ROBO2: variants seen among roughly 807,000 people sequenced by gnomAD.
ROBO2 encodes the protein roundabout guidance receptor 2.
A neutral mutation model predicts 160.8 loss-of-function variants in ROBO2; 53 were observed. The ratio of observed to expected loss-of-function variants is 0.33; its 90% confidence interval spans 0.26 to 0.41. ROBO2 has a LOEUF of 0.41. ROBO2 is among the 10% of genes least tolerant of loss of function. ROBO2 has a pLI of 1.00. For missense variants in ROBO2, 1,577 were observed against 1,722.4 expected, an observed-to-expected ratio of 0.92 and a Z score of 1.49; for synonymous variants, 664 against 611.7, an observed-to-expected ratio of 1.09 and a Z score of -1.26.
chr3:77,257,959 C>CT (rs2058530068), intron 2 of ROBO2, among the ~76,000 whole-genome samples: 1 of 152,142 alleles, frequency 6.6e-6, no homozygotes, highest in South Asian at 2.1e-4. Flanking sequence ...CCATTTAAAC[C>CT]TTTTTTAGCT....
chr3:76,560,101 A>G (rs1049366483), intron 2 of ROBO2, among the ~76,000 whole-genome samples: 4 of 152,026 alleles, frequency 2.6e-5, no homozygotes, highest in Non-Finnish European at 4.4e-5. Context: ...TTTTTCTCCC[A>G]GTTAAAATAG....
intron 2 of ROBO2, among the ~76,000 whole-genome samples, chr3:76,006,586 T>A (rs2066026368): frequency 6.6e-6 from 1 of 152,148 alleles, no homozygotes; most frequent in Non-Finnish European, 1.5e-5. Flanking sequence ...GATAGTTTAT[T>A]ACATCTGTGA....
chr3:76,368,049 A>T (rs987751416), intron 2 of ROBO2, among the ~76,000 whole-genome samples: 1 of 151,968 alleles, frequency 6.6e-6, no homozygotes, highest in African/African-American at 2.4e-5. Flanking sequence ...TTTAAAATAA[A>T]ATAGTCATAT....
chr3:76,073,121 G>A (rs533273185), intron 2 of ROBO2, among the ~76,000 whole-genome samples: 1 of 152,144 alleles, frequency 6.6e-6, no homozygotes, highest in Non-Finnish European at 1.5e-5. Flanking sequence ...TTGTATCGTG[G>A]CTGAAATTTG....
intron 2 of ROBO2, among the ~76,000 whole-genome samples, chr3:76,509,806 C>T (rs1044807577): frequency 4.6e-5 from 7 of 152,152 alleles, no homozygotes; most frequent in Non-Finnish European, 1.0e-4. Context: ...AGGTTGAGCA[C>T]CTTTAACCTA....
intron 2 of ROBO2, among the ~76,000 whole-genome samples, chr3:76,406,687 A>T (rs911440726): frequency 6.6e-6 from 1 of 151,898 alleles, no homozygotes; most frequent in African/African-American, 2.4e-5. Context: ...TATTTTCTTT[A>T]TTCTACTACT....
chr3:76,726,964 A>G (rs1383870188), intron 2 of ROBO2, among the ~76,000 whole-genome samples: 2 of 152,182 alleles, frequency 1.3e-5, no homozygotes, highest in Non-Finnish European at 2.9e-5. Context: ...TGAATTATTT[A>G]TGACTGACAC....
At chr3:77,409,674 A>G (rs773815235) in intron 2 of ROBO2, among the ~76,000 whole-genome samples, 2 of 152,108 alleles carry the variant, frequency 1.3e-5, no homozygotes, top group Non-Finnish European at 2.9e-5. Flanking sequence ...TTCACTGGAG[A>G]AGGACTGGAC....
At chr3:76,651,451 A>G (rs1020439995) in intron 2 of ROBO2, among the ~76,000 whole-genome samples, 1 of 152,138 alleles carries the variant, frequency 6.6e-6, no homozygotes, top group African/African-American at 2.4e-5. Context: ...AGAGTGTAGC[A>G]TACATAAAAG....
At chr3:76,190,222 A>G (rs938064804) in intron 2 of ROBO2, among the ~76,000 whole-genome samples, 30 of 152,126 alleles carry the variant, frequency 2.0e-4, no homozygotes, top group Non-Finnish European at 3.8e-4. Flanking sequence ...TGGTTTGAAT[A>G]CAACAAAATG....
At position 76,796,660 on chromosome 3, in the gene ROBO2, T is replaced by C. The variant is rs151271651; in HGVS notation, c.110-301354T>C. Among the ~76,000 whole-genome samples the C allele has an allele frequency of 8.7e-4, 133 of 152,172 alleles. 1 individual carries two copies. The East Asian group carries it at 0.019, about 21-fold the overall frequency. On this transcript the variant is annotated intron_variant, in intron 2 of 26. Transcript: ENST00000487694. ...CTCCAATCAAAAGACATACAGTGTC[T>C]GAATGGTTAAAAAACAAGACCCAAC...
chr3:77,018,036 A>C (rs2149492440), intron 2 of ROBO2, among the ~76,000 whole-genome samples: 1 of 152,194 alleles, frequency 6.6e-6, no homozygotes, highest in East Asian at 1.9e-4. Flanking sequence ...GCATATAAAA[A>C]AGCTTAATAA....
At chr3:76,272,680 AATAT>A (rs796415773) in intron 2 of ROBO2, among the ~76,000 whole-genome samples, 1 of 133,112 alleles carries the variant, frequency 7.5e-6, no homozygotes, top group Non-Finnish European at 1.5e-5. Context: ...TACACATATA[AATAT>A]ATATATATAT....
At chr3:76,938,952 C>A in intron 2 of ROBO2, among the ~76,000 whole-genome samples, 1 of 119,458 alleles carries the variant, frequency 8.4e-6, no homozygotes, top group East Asian at 2.5e-4. Flanking sequence ...GCCTGGGCGA[C>A]AAGAGCAAAA....
At chr3:75,980,058 G>A (rs2107439766) in intron 2 of ROBO2, among the ~76,000 whole-genome samples, 1 of 151,676 alleles carries the variant, frequency 6.6e-6, no homozygotes, top group East Asian at 1.9e-4. Flanking sequence ...TGTAGTAGGT[G>A]TTTTCATGTT....
At chr3:76,940,456 C>T (rs191249317) in intron 2 of ROBO2, among the ~76,000 whole-genome samples, 1 of 152,266 alleles carries the variant, frequency 6.6e-6, no homozygotes, top group East Asian at 1.9e-4. Context: ...GTTCTCGATA[C>T]AACAAAAAAT....
At chr3:77,380,520 G>C (rs2073299936) in intron 2 of ROBO2, among the ~76,000 whole-genome samples, 1 of 152,110 alleles carries the variant, frequency 6.6e-6, no homozygotes, top group Non-Finnish European at 1.5e-5. Flanking sequence ...AAATCAATGA[G>C]TAACAATTAA....
chr3:76,906,991 C>T (rs945756802), intron 2 of ROBO2, among the ~76,000 whole-genome samples: 3 of 152,116 alleles, frequency 2.0e-5, no homozygotes, highest in African/African-American at 7.2e-5. Flanking sequence ...GGTTTTCTTC[C>T]TCCTGCTAGA....
chr3:77,240,716 T>C (rs1000376984), intron 2 of ROBO2, among the ~76,000 whole-genome samples: 1 of 152,238 alleles, frequency 6.6e-6, no homozygotes, highest in Admixed American at 6.5e-5. Context: ...GAGCCAACTG[T>C]ATAGTTATTT....
Sources: allele counts gnomAD v4.1 joint callset (sites outside exome capture counted in the v4.1 genomes callset), GRCh38; gene constraint gnomAD v4.1.1; transcripts MANE v1.5; gene names NCBI Gene and HGNC (gene_info 2026-07-23, HGNC 2026-07-21).